CCL28: variants seen among roughly 807,000 people sequenced by gnomAD.
The protein encoded by CCL28 is C-C motif chemokine ligand 28, also known as C-C motif chemokine 28.
Under a neutral mutation model 7.1 loss-of-function variants are expected in CCL28, and 4 were observed. That is an observed-to-expected ratio of 0.56 (90% CI 0.28 to 1.29). The LOEUF (loss-of-function observed/expected upper bound fraction) is 1.29. CCL28 is among the 50% of genes most tolerant of loss of function. CCL28 has a pLI of 0.11. For synonymous variants in CCL28, 55 were observed against 57.8 expected (o/e 0.95, Z 0.22); for missense variants, 151 against 163.4 (o/e 0.92, Z 0.41).
the CCL28 span, among the ~76,000 whole-genome samples, chr5:43,366,157 T>C: frequency 1.3e-5 from 2 of 152,254 alleles, no homozygotes; most frequent in Non-Finnish European, 2.9e-5. Flanking sequence ...TTCTGAAGTC[T>C]ACTTCTGTCA....
intron 2 of CCL28, chr5:43,388,075 T>C (rs1740413707): frequency 3.2e-6 from 1 of 311,596 alleles, no homozygotes. Flanking sequence ...TCATGAACAC[T>C]TTTTGGTGAC....
At chr5:43,407,968 A>G (rs1013369537) in intron 1 of CCL28, among the ~76,000 whole-genome samples, 5 of 152,238 alleles carry the variant, frequency 3.3e-5, no homozygotes, top group African/African-American at 1.2e-4. Flanking sequence ...TAGAATGGCA[A>G]TCATTCAAAA....
intron 2 of CCL28, among the ~76,000 whole-genome samples, chr5:43,386,827 T>C (rs1484420241): frequency 6.6e-6 from 1 of 152,196 alleles, no homozygotes; most frequent in Non-Finnish European, 1.5e-5. Context: ...ATATTTCAAA[T>C]TCCAGAGATC....
intron 2 of CCL28, among the ~76,000 whole-genome samples, chr5:43,386,380 A>G (rs1740336481): frequency 6.6e-6 from 1 of 152,212 alleles, no homozygotes; most frequent in Non-Finnish European, 1.5e-5. Context: ...CCTCATTGGT[A>G]TGTAGCCCCT....
At chr5:43,374,248 G>A (rs768726674), downstream of CCL28, among the ~76,000 whole-genome samples, 2 of 152,208 alleles carry the variant, frequency 1.3e-5, no homozygotes, top group Non-Finnish European at 2.9e-5. Context: ...AAGTTTATAT[G>A]GAGGTAGAAT....
intron 2 of CCL28, chr5:43,384,048 T>C (rs1199613561): frequency 1.8e-5 from 3 of 165,720 alleles, no homozygotes; most frequent in Non-Finnish European, 2.7e-5. Flanking sequence ...TGAGATCATG[T>C]CACTGCACTC....
chr5:43,383,453 G>C (rs1031560094), intron 2 of CCL28, among the ~76,000 whole-genome samples: 9 of 152,130 alleles, frequency 5.9e-5, no homozygotes, highest in African/African-American at 2.2e-4. Flanking sequence ...AAAGTGGGGA[G>C]AATCGGGGGA....
the CCL28 span, among the ~76,000 whole-genome samples, chr5:43,369,436 T>C: frequency 2.0e-5 from 3 of 152,344 alleles, no homozygotes; most frequent in Admixed American, 2.0e-4. Flanking sequence ...TTTTCTTTTC[T>C]GTTTTTGAGA....
intron 1 of CCL28, among the ~76,000 whole-genome samples, chr5:43,397,626 A>G (rs1050631819): frequency 3.9e-5 from 6 of 152,210 alleles, no homozygotes; most frequent in African/African-American, 1.4e-4. Flanking sequence ...AAAGTCTATG[A>G]TTAGTAAAAT....
chr5:43,412,091 A>G (rs1190482197), intron 1 of CCL28, among the ~76,000 whole-genome samples, 162 bp downstream of exon 1: 2 of 152,262 alleles, frequency 1.3e-5, no homozygotes, highest in African/African-American at 2.4e-5. Context: ...TGGGAGATCT[A>G]GAATTTAAAG....
chr5:43,376,302 C>A (rs750043617), downstream of CCL28, among the ~76,000 whole-genome samples: 4 of 152,150 alleles, frequency 2.6e-5, no homozygotes, highest in Middle Eastern at 3.4e-3. Flanking sequence ...GATTTTTATA[C>A]CCCTCCCCAG....
intron 1 of CCL28, among the ~76,000 whole-genome samples, chr5:43,408,382 T>G (rs1427279182): frequency 2.0e-5 from 3 of 152,096 alleles, no homozygotes; most frequent in African/African-American, 7.2e-5. Flanking sequence ...AGCAAACTAT[T>G]GCAAGGACAG....
At chr5:43,383,751 T>A (rs1740220336) in intron 2 of CCL28, among the ~76,000 whole-genome samples, 1 of 152,100 alleles carries the variant, frequency 6.6e-6, no homozygotes, top group South Asian at 2.1e-4. Context: ...AACTCTTGCC[T>A]CTCCCTGTGA....
chr5:43,393,640 C>T (rs1740674913), intron 1 of CCL28, among the ~76,000 whole-genome samples: 1 of 152,232 alleles, frequency 6.6e-6, no homozygotes, highest in Non-Finnish European at 1.5e-5. Flanking sequence ...CAGGCGTGAG[C>T]CACCGCGCCC....
downstream of CCL28, among the ~76,000 whole-genome samples, chr5:43,377,717 C>CTGTTTT: frequency 2.3e-5 from 1 of 42,712 alleles, no homozygotes; most frequent in Admixed American, 3.4e-4. Flanking sequence ...AGAACTTAAA[C>CTGTTTT]TTTTTTTTTT....
At chr5:43,407,197 A>G (rs1366288063) in intron 1 of CCL28, among the ~76,000 whole-genome samples, 3 of 151,934 alleles carry the variant, frequency 2.0e-5, no homozygotes, top group Non-Finnish European at 1.5e-5. Flanking sequence ...AATCCTAAGC[A>G]AAACAGAACA....
chr5:43,391,472 T>G (rs932405408), intron 1 of CCL28, among the ~76,000 whole-genome samples: 2 of 152,260 alleles, frequency 1.3e-5, no homozygotes, highest in Non-Finnish European at 2.9e-5. Context: ...CTAATACTTC[T>G]GTGGAAATGT....
chr5:43,360,514 A>G, the CCL28 span, among the ~76,000 whole-genome samples: 11 of 152,254 alleles, frequency 7.2e-5, no homozygotes, highest in African/African-American at 1.9e-4. Flanking sequence ...ACGTGAGAAC[A>G]TGTGGTATTT....
the CCL28 span, among the ~76,000 whole-genome samples, chr5:43,369,707 G>A: frequency 2.6e-5 from 4 of 152,142 alleles, no homozygotes; most frequent in Non-Finnish European, 5.9e-5. Flanking sequence ...TGGGATTACA[G>A]GCCCACCACT....
Sources: allele counts gnomAD v4.1 joint callset (sites outside exome capture counted in the v4.1 genomes callset), GRCh38; gene constraint gnomAD v4.1.1; transcripts MANE v1.5; gene names NCBI Gene and HGNC (gene_info 2026-07-23, HGNC 2026-07-21).